ZNF578: variants seen among roughly 807,000 people sequenced by gnomAD.
ZNF578 encodes the protein zinc finger protein 578.
ZNF578 carries 8 observed loss-of-function variants against 8.3 expected under a neutral mutation model. The ratio of observed to expected loss-of-function variants is 0.96; its 90% CI spans 0.56 to 1.74. The LOEUF is 1.74. ZNF578 is among the 40% of genes most tolerant of loss of function. ZNF578 has a pLI of 0.00. For missense variants in ZNF578, 726 were observed against 707.5 expected (o/e 1.03, Z -0.30); for synonymous variants, 206 against 232.2 (o/e 0.89, Z 1.03).
In ZNF578 at chr19:52,481,880, AC is replaced by A. The variant is rs1346015252; in HGVS notation, c.-121-9442del. 3.0e-4 allele frequency among the ~76,000 whole-genome samples: 46 copies of A among 152,134 alleles called. 1 individual carries two copies. The highest frequency in any genetic ancestry group is 2.9e-5 in the Non-Finnish European group (2 of 67,990). On this transcript the variant is annotated intron_variant, in intron 2 of 5. Coordinates refer to ENST00000421239, the MANE Select transcript of ZNF578 (RefSeq NM_001099694.2). ...CGAGTAGCTGGGACCACAGGTGTGA[AC>A]CACCAAGACCAGCTAGGTTTTGTAT...
chr19:52,507,545 C>CA (rs1183666231), intron 5 of ZNF578, among the ~76,000 whole-genome samples: 1 of 151,500 alleles, frequency 6.6e-6, no homozygotes, highest in African/African-American at 2.4e-5. Context: ...CAAAAACAGA[C>CA]AAAAAAAGAA....
intron 2 of ZNF578, among the ~76,000 whole-genome samples, chr19:52,468,491 C>G (rs1282330779): frequency 6.6e-6 from 1 of 152,156 alleles, no homozygotes. Context: ...TCTGGAGTTT[C>G]AAGAGTAAAC....
rs972980266 is a variant in ZNF578 at position 52,516,180 on chromosome 19, A to G, written c.*4026A>G. ...TTTCTCCTCCTTCAGGTCTAGGCTC[A>G]GAGCTCTCTCCCATGCCCTCCCACC... is the stretch of plus-strand genomic sequence containing the variant. On this transcript the variant is annotated 3_prime_UTR_variant, in exon 6 of 6. Coordinates refer to ENST00000421239, the MANE Select transcript of ZNF578 (RefSeq NM_001099694.2). Among the ~76,000 whole-genome samples the G allele has an allele frequency of 6.6e-6, 1 of 152,160 alleles. No homozygotes were observed. Among genetic ancestry groups the G allele is most frequent in the Non-Finnish European group, 1.5e-5 (1 of 68,038 alleles).
chr19:52,511,898 G>T lies in ZNF578; in HGVS notation c.1517G>T (p.Ser506Ile). ...CTTCCATGCCATCGTAGACTTCATAGTGGTGAGAAACCTTACAAGTGTAAT... is the reference window on the plus strand; with the variant it reads ...CTTCCATGCCATCGTAGACTTCATATTGGTGAGAAACCTTACAAGTGTAAT... ...SSLPCHRRLH[S>I]GEKPYKCNEC... is the part of the protein sequence containing the mutation. Residue 506 changes from serine (S) to isoleucine (I), a missense_variant, in exon 6 of 6, where the codon AGT becomes ATT. By Grantham distance (142) the Ser-to-Ile change is moderately radical. Transcript: ENST00000421239. The T allele has an allele frequency of 6.2e-7, 1 of 1,610,866 alleles. No individual in the cohort carries two copies. Among genetic ancestry groups the T allele is most frequent in the Non-Finnish European group, 8.5e-7 (1 of 1,179,070 alleles).
At chr19:52,506,766 G>A (rs950934871) in intron 5 of ZNF578, among the ~76,000 whole-genome samples, 1 of 152,126 alleles carries the variant, frequency 6.6e-6, no homozygotes, top group African/African-American at 2.4e-5. Context: ...TTTTAGTAGA[G>A]GTGGAGTTTC....
chr19:52,491,231 A>AAT (rs1156519986), intron 2 of ZNF578, 93 bp from the exon 3 acceptor site: 2 of 130,654 alleles, frequency 1.5e-5, no homozygotes, highest in Admixed American at 8.0e-5. Flanking sequence ...GAAAGTTTAA[A>AAT]ATAAGTATTT....
rs755021987 is a variant in ZNF578, at chr19:52,511,420, G to T, written c.1039G>T (p.Glu347Ter). Reference protein sequence around the residue: ...HTGEKPYKCNECGKSFSYKSS... With the variant: ...HTGEKPYKCN ...TGGTGAGAAACCTTACAAGTGTAATGAATGTGGAAAGTCCTTCAGTTACAA... is the reference window on the plus strand; with the variant it reads ...TGGTGAGAAACCTTACAAGTGTAATTAATGTGGAAAGTCCTTCAGTTACAA... Residue 347 changes from glutamate to a stop codon, truncating the protein, a stop_gained, in exon 6 of 6, where the codon GAA (glutamate) becomes TAA (stop). Coordinates refer to ENST00000421239, the MANE Select transcript of ZNF578 (RefSeq NM_001099694.2). LOFTEE classifies it low-confidence loss of function (END_TRUNC). The T allele has an allele frequency of 5.0e-6, 8 of 1,614,200 alleles. No homozygotes were observed. In the East Asian group the frequency reaches 1.8e-4, roughly 36 times the overall value.
chr19:52,458,459 C>G (rs2059246066), intron 2 of ZNF578: 1 of 18,384 alleles, frequency 5.4e-5, no homozygotes, highest in African/African-American at 3.2e-4. Flanking sequence ...CAACAACTTG[C>G]TACTATGTTT....
intron 2 of ZNF578, chr19:52,474,539 A>G (rs563435677): frequency 1.6e-4 from 47 of 302,054 alleles, no homozygotes; most frequent in South Asian, 1.4e-3. Flanking sequence ...AAGACCTTGT[A>G]ACATTCATTA....
At chr19:52,484,576 C>T (rs2059338311) in intron 2 of ZNF578, among the ~76,000 whole-genome samples, 1 of 152,076 alleles carries the variant, frequency 6.6e-6, no homozygotes, top group Non-Finnish European at 1.5e-5. Context: ...GCTAAGCCAT[C>T]GTATACCCTG....
chr19:52,487,802 G>A lies in ZNF578; in HGVS notation c.-121-3522G>A, dbSNP rs552422970. 3.3e-5 allele frequency among the ~76,000 whole-genome samples: 5 copies of A among 151,994 alleles called. No individual in the cohort carries two copies. In the East Asian group the frequency reaches 5.8e-4, roughly 18 times the overall value. ...GAGCCACCAAGCCCGGCTAGTTTTC[G>A]TATTTTTTTCTTTTTGTAGAAACTT... On this transcript the variant is annotated intron_variant, in intron 2 of 5. Coordinates refer to ENST00000421239, the MANE Select transcript of ZNF578 (RefSeq NM_001099694.2).
intron 3 of ZNF578, among the ~76,000 whole-genome samples, chr19:52,495,834 C>T (rs200089983): frequency 2.4e-4 from 35 of 148,148 alleles, no homozygotes; most frequent in South Asian, 8.7e-4. Context: ...TTGACTCATT[C>T]GTTGTGGATC....
chr19:52,507,814 C>G (rs1749893947), intron 5 of ZNF578, among the ~76,000 whole-genome samples: 1 of 152,136 alleles, frequency 6.6e-6, no homozygotes, highest in African/African-American at 2.4e-5. Context: ...CTTTGGGAGG[C>G]TGAGACAGCC....
chr19:52,503,331 A>G (rs2059413996), intron 4 of ZNF578, among the ~76,000 whole-genome samples: 1 of 151,972 alleles, frequency 6.6e-6, no homozygotes, highest in African/African-American at 2.4e-5. Context: ...CAAATGGGAG[A>G]CAGCCAGCCC....
rs1491396766 is a variant in ZNF578, at chr19:52,459,644, C to CAT, written c.-122+2687_-122+2688insTA. On this transcript the variant is annotated intron_variant, in intron 2 of 5. Transcript: ENST00000421239. ...ACACACACACACACACACACACACA[C>CAT]ACACACATATATATACTACCATATG... Among the ~76,000 whole-genome samples the CAT allele has an allele frequency of 7.6e-5, 10 of 131,896 alleles. No individual in the cohort carries two copies. In the East Asian group the frequency reaches 1.8e-3, roughly 24 times the overall value. The allele number at this position is 131,896 out of a possible 152,430, so 86.5% of individuals were successfully genotyped here. A position where few individuals can be genotyped will look rare whatever the true frequency, so the allele number is the denominator to read the frequency against.
At chr19:52,481,194 G>A (rs897184976) in intron 2 of ZNF578, among the ~76,000 whole-genome samples, 8 of 151,922 alleles carry the variant, frequency 5.3e-5, no homozygotes, top group Admixed American at 2.0e-4. Flanking sequence ...ACCTTATATC[G>A]GCTGCGGCAG....
chr19:52,506,134 A>C (rs1347425052), intron 5 of ZNF578, among the ~76,000 whole-genome samples: 1 of 152,024 alleles, frequency 6.6e-6, no homozygotes, highest in Admixed American at 6.5e-5. Context: ...GCCTGGCCTG[A>C]CGTGATTCAC....
chr19:52,470,450 CT>C (rs1036002424), intron 2 of ZNF578, among the ~76,000 whole-genome samples: 7 of 152,112 alleles, frequency 4.6e-5, no homozygotes, highest in African/African-American at 1.7e-4. Context: ...GAGGGGTAGA[CT>C]TGTGGTTAAT....
At position 52,512,586 on chromosome 19, in the gene ZNF578, GAA is replaced by G. The variant is rs895354626; in HGVS notation, c.*434_*435del. Among the ~76,000 whole-genome samples the G allele has an allele frequency of 2.6e-5, 4 of 152,130 alleles. No individual in the cohort carries two copies. Among genetic ancestry groups the G allele is most frequent in the Non-Finnish European group, 5.9e-5 (4 of 68,032 alleles). On this transcript the variant is annotated 3_prime_UTR_variant, in exon 6 of 6. Transcript: ENST00000421239. ...AACATAGGAGAATTCATGCAGGAGA[GAA>G]ATGTCACAAGTGTGATGAGTGTTGC...
Sources: allele counts gnomAD v4.1 joint callset (sites outside exome capture counted in the v4.1 genomes callset), GRCh38; gene constraint gnomAD v4.1.1; transcripts MANE v1.5; gene names NCBI Gene and HGNC (gene_info 2026-07-23, HGNC 2026-07-21).